The following SIK3 variants were observed in gnomAD, a reference collection of about 807,000 sequenced individuals.
SIK3 encodes the protein SIK family kinase 3.
Under a neutral mutation model 144.2 loss-of-function variants are expected in SIK3, and 28 were observed. The ratio of observed to expected loss-of-function variants is 0.19; its 90% CI spans 0.14 to 0.27. The LOEUF (loss-of-function observed/expected upper bound fraction) is 0.27, where lower values mean the gene tolerates loss of function less well. Ranked by LOEUF, SIK3 falls within the 10% of genes least tolerant of loss-of-function variation. The pLI is 1.00. For synonymous variants in SIK3, 686 were observed against 676.3 expected, an observed-to-expected ratio of 1.01 and a Z score of -0.22; for missense variants, 1,319 against 1,776.0, an observed-to-expected ratio of 0.74 and a Z score of 4.62.
chr11:117,078,980 T>C (rs1954670013), intron 1 of SIK3, among the ~76,000 whole-genome samples: 1 of 132,592 alleles, frequency 7.5e-6, no homozygotes, highest in Admixed American at 7.1e-5. Context: ...CAGAATTAAG[T>C]ATGATATCCT....
intron 1 of SIK3, among the ~76,000 whole-genome samples, chr11:117,092,574 G>A (rs1305877075): frequency 1.3e-5 from 2 of 152,124 alleles, no homozygotes; most frequent in African/African-American, 4.8e-5. Flanking sequence ...GAAAGCTCCA[G>A]AAAGGCAGAT....
At chr11:117,070,737 C>T (rs1167830229) in intron 1 of SIK3, among the ~76,000 whole-genome samples, 1 of 150,448 alleles carries the variant, frequency 6.6e-6, no homozygotes, top group Non-Finnish European at 1.5e-5. Context: ...TGAGCCACTG[C>T]GCCCGGCCCT....
At chr11:116,870,981 T>C (rs1187884735) in intron 13 of SIK3, among the ~76,000 whole-genome samples, 1 of 152,228 alleles carries the variant, frequency 6.6e-6, no homozygotes, top group Non-Finnish European at 1.5e-5. Context: ...TGTTGTTTCA[T>C]ATTAATGTGA....
At position 117,056,010 on chromosome 11, in the gene SIK3, T is replaced by G. The variant is rs374727632; in HGVS notation, c.273+42133A>C. Among the ~76,000 whole-genome samples the G allele has an allele frequency of 3.3e-5, 5 of 152,326 alleles. No individual in the cohort carries two copies. The South Asian group carries it at 6.2e-4, about 19-fold the overall frequency. ...TTACCCAGTGTCAGGTATTCTCCTATAGCAGCACAAAAGAACTGACAGCAA... is the reference window on the plus strand; with the variant it reads ...TTACCCAGTGTCAGGTATTCTCCTAGAGCAGCACAAAAGAACTGACAGCAA... On this transcript the variant is annotated intron_variant, in intron 1 of 24. Coordinates refer to ENST00000445177, the MANE Select transcript of SIK3 (RefSeq NM_001366686.3).
At position 116,859,527 on chromosome 11, in the gene SIK3, A is replaced by G; in HGVS notation, c.2503T>C (p.Ser835Pro). 1 of 1,614,116 alleles carries G rather than the reference A, an allele frequency of 6.2e-7. No individual in the cohort carries two copies. Among genetic ancestry groups the G allele is most frequent in the Non-Finnish European group, 8.5e-7 (1 of 1,180,032 alleles). Reference sequence around the variant, plus strand: ...CAGGTTAGTGCCACGTTGGGAGGAGAGGAACAGTTCTCAGGTTGCTGCTGA... The same window carrying G: ...CAGGTTAGTGCCACGTTGGGAGGAGGGGAACAGTTCTCAGGTTGCTGCTGA... ...IFQQQPENCS[S>P]PPNVALTCLG... The change falls in exon 20 of 25, where the codon TCT becomes CCT. Residue 835 changes from serine (S) to proline (P), a missense_variant. Physicochemically the swap from Ser to Pro is moderately conservative, Grantham distance 74 (BLOSUM62 -1). Coordinates refer to ENST00000445177, the MANE Select transcript of SIK3 (RefSeq NM_001366686.3).
chr11:116,956,917 G>T, intron 2 of SIK3, 31 bp downstream of exon 2: 1 of 1,361,370 alleles, frequency 7.3e-7, no homozygotes, highest in Non-Finnish European at 1.0e-6. Flanking sequence ...TGGGTTCTTT[G>T]CAGCTATCTG....
chr11:117,063,907 A>G (rs1181978733), intron 1 of SIK3, among the ~76,000 whole-genome samples: 24 of 151,830 alleles, frequency 1.6e-4, no homozygotes, highest in Non-Finnish European at 5.9e-5. Flanking sequence ...AAAAAGACAA[A>G]CCTTGTTGGT....
chr11:116,861,624 A>G (rs1943334829), intron 18 of SIK3, among the ~76,000 whole-genome samples: 1 of 152,198 alleles, frequency 6.6e-6, no homozygotes, highest in Non-Finnish European at 1.5e-5. Context: ...CTCCTGTATT[A>G]GATATCAGAT....
chr11:116,849,188 C>T lies in SIK3; in HGVS notation c.3751G>A (p.Val1251Ile), dbSNP rs370389928. Residue 1251 changes from valine (V) to isoleucine (I), a missense_variant, in exon 22 of 25, where the codon GTC becomes ATC. Physicochemically the swap from Val to Ile is conservative, Grantham distance 29 (BLOSUM62 3). Around this residue, in one of 8 missense-constraint regions of SIK3, gnomAD observed 646 missense variants for 763.7 expected, o/e 0.85. Coordinates refer to ENST00000445177, the MANE Select transcript of SIK3 (RefSeq NM_001366686.3). This position sits in a 1 kb window ranked among gnomAD's most constrained non-coding sequence, Gnocchi z 4.2. ...NGLGYPARPS[V>I]HEHHRPRALQ... ...GCCCGGGGCCTGTGGTGCTCATGGA[C>T]GGAGGGGCGTGCTGGGTACCCGAGC... is the stretch of plus-strand genomic sequence containing the variant. 2.2e-5 allele frequency: 36 copies of T among 1,613,866 alleles called. No homozygotes were observed. Among genetic ancestry groups the T allele is most frequent in the Non-Finnish European group, 2.7e-5 (32 of 1,179,926 alleles).
intron 1 of SIK3, among the ~76,000 whole-genome samples, chr11:117,077,222 A>G (rs984527893): frequency 6.6e-6 from 1 of 152,210 alleles, no homozygotes; most frequent in Admixed American, 6.5e-5. Context: ...TCAAAACAGC[A>G]GCTAATGCTA....
chr11:116,858,125 T>C lies in SIK3; in HGVS notation c.3340A>G (p.Arg1114Gly). The change falls in exon 21 of 25, where the codon AGG (arginine) becomes GGG (glycine). Residue 1114 changes from arginine (R) to glycine (G), a missense_variant. Physicochemically the swap from Arg to Gly is moderately radical, Grantham distance 125 (BLOSUM62 -2). Coordinates refer to ENST00000445177, the MANE Select transcript of SIK3 (RefSeq NM_001366686.3). This position sits in a 1 kb window ranked among gnomAD's most constrained non-coding sequence, Gnocchi z 5.4. ...HTSPQHLLQI[R>G]AQECVSQASS... is the part of the protein sequence containing the mutation. ...GCCTGTGAGACACATTCTTGTGCCC[T>C]GATTTGTAGCAGATGCTGGGGGCTG... is the stretch of plus-strand genomic sequence containing the variant. 1 of 1,614,182 alleles carries C rather than the reference T, an allele frequency of 6.2e-7. No individual in the cohort carries two copies. The highest frequency in any genetic ancestry group is 8.5e-7 in the Non-Finnish European group (1 of 1,180,044).
intron 3 of SIK3, among the ~76,000 whole-genome samples, 161 bp from the exon 4 acceptor site, chr11:116,927,541 A>G (rs1947342312): frequency 6.6e-6 from 1 of 152,262 alleles, no homozygotes; most frequent in Non-Finnish European, 1.5e-5. Context: ...GCATCTATCA[A>G]AATTCATTAG....
chr11:116,922,809 A>C (rs1947060352), intron 4 of SIK3, among the ~76,000 whole-genome samples: 1 of 152,004 alleles, frequency 6.6e-6, no homozygotes, highest in African/African-American at 2.4e-5. Flanking sequence ...TATACTTCCT[A>C]ATCTGAGTTT....
rs765699388 is a variant in SIK3 at position 116,870,182 on chromosome 11, G to A, written c.1808+149C>T. Reference sequence around the variant, plus strand: ...GGGTAGTCTTCTGTTACTTCCATGTGGGGTGGAACATGCCATCTGGCTTGA... The same window carrying A: ...GGGTAGTCTTCTGTTACTTCCATGTAGGGTGGAACATGCCATCTGGCTTGA... On this transcript the variant is annotated intron_variant, in intron 14 of 24. Transcript: ENST00000445177. 1.9e-6 allele frequency: 3 copies of A among 1,541,350 alleles called. No individual in the cohort carries two copies. In the African/African-American group the frequency reaches 4.1e-5, roughly 21 times the overall value.
At chr11:117,060,465 C>T (rs1056273562) in intron 1 of SIK3, among the ~76,000 whole-genome samples, 7 of 151,986 alleles carry the variant, frequency 4.6e-5, no homozygotes, top group East Asian at 1.9e-4. Context: ...GGCGTGGTGG[C>T]GCATGCCTGT....
chr11:117,062,077 C>T (rs1953819756), intron 1 of SIK3, among the ~76,000 whole-genome samples: 1 of 151,806 alleles, frequency 6.6e-6, no homozygotes. Flanking sequence ...GTAATCCCAG[C>T]ACTTTGGGAG....
At chr11:116,911,746 A>C (rs1313629096) in intron 4 of SIK3, among the ~76,000 whole-genome samples, 1 of 152,192 alleles carries the variant, frequency 6.6e-6, no homozygotes, top group Non-Finnish European at 1.5e-5. Context: ...TTTAAGTATA[A>C]AGACTTTAAG....
chr11:117,096,162 T>C (rs60167594), intron 1 of SIK3, among the ~76,000 whole-genome samples: 3,740 of 152,342 alleles, frequency 0.025, 86 homozygotes, highest in South Asian at 0.11. Flanking sequence ...ATGTCTCTTT[T>C]ATATTAAAGC....
In SIK3 at chr11:116,875,989, A is replaced by G. The variant is rs1944232841; in HGVS notation, c.1116T>C (p.Tyr372=). The G allele has an allele frequency of 6.2e-7, 1 of 1,613,390 alleles. No homozygotes were observed. Among genetic ancestry groups the G allele is most frequent in the Admixed American group, 1.7e-5 (1 of 59,680 alleles). ...QTLQSLRSDA[Y]DHYSAIYSLL... ...GGCTGTAGATTGCACTATAGTGATC[A>G]TAGGCATCTGATCTTAATGACTACC... The change falls in exon 9 of 25, where the codon TAT becomes TAC. Residue 372 remains tyrosine (Y), a synonymous_variant. Transcript: ENST00000445177.
Sources: allele counts gnomAD v4.1 joint callset (sites outside exome capture counted in the v4.1 genomes callset), GRCh38; gene constraint gnomAD v4.1.1; regional missense constraint gnomAD v4.1.1; non-coding constraint Gnocchi (gnomAD v3.1); transcripts MANE v1.5; gene names NCBI Gene and HGNC (gene_info 2026-07-23, HGNC 2026-07-21).